Variants in THOC2 observed in about 807,000 individuals in gnomAD.
THOC2 encodes THO complex subunit 2.
THOC2 carries 10 observed loss-of-function variants against 128.4 expected under a neutral mutation model. The ratio of observed to expected loss-of-function variants is 0.08; its 90% confidence interval spans 0.05 to 0.13. THOC2 has a LOEUF of 0.13. Among genes scored for constraint, THOC2 ranks in the 10% least tolerant of loss-of-function variants. The pLI is 1.00. For synonymous variants in THOC2, 393 were observed against 396.9 expected (o/e 0.99, Z 0.12); for missense variants, 535 against 1,155.7 (o/e 0.46, Z 7.79).
At chrX:123,623,594 T>C (rs1376358625) in intron 28 of THOC2, 193 bp downstream of exon 28, 1 of 907,794 alleles carries the variant, frequency 1.1e-6, no homozygotes, top group South Asian at 2.4e-5. Context: ...TTAAAAAAAC[T>C]ATCATCCAGT....
rs1480049531 is a variant in THOC2 at position 123,687,705 on chromosome X, C to T, written c.602-991G>A. 3.6e-5 allele frequency among the ~76,000 whole-genome samples: 4 copies of T among 111,817 alleles called. No individual in the cohort carries two copies. The South Asian group carries it at 1.1e-3, about 31-fold the overall frequency. On this transcript the variant is annotated intron_variant, in intron 7 of 38. Coordinates refer to ENST00000245838, the MANE Select transcript of THOC2 (RefSeq NM_001081550.2). ...ATGCTACAAAACTAATGTCATTTCA[C>T]GTTTCATACTACCTTAGCAATCACT... is the stretch of plus-strand genomic sequence containing the variant.
At chrX:123,611,561 T>G in intron 36 of THOC2, 45 bp from the exon 37 acceptor site, 1 of 907,288 alleles carries the variant, frequency 1.1e-6, no homozygotes, top group Non-Finnish European at 1.6e-6. Context: ...AAGCCAAATA[T>G]AAAAGCCAGC....
chrX:123,725,132 C>A (rs1396581920), intron 1 of THOC2, among the ~76,000 whole-genome samples: 1 of 103,209 alleles, frequency 9.7e-6, no homozygotes, highest in Non-Finnish European at 2.0e-5. Context: ...AAGAAAATGT[C>A]ATTTAGCTAT....
At chrX:123,656,330 TAAAAAAAAAAAAAA>T (rs758091588) in intron 12 of THOC2, among the ~76,000 whole-genome samples, 1 of 37,967 alleles carries the variant, frequency 2.6e-5, no homozygotes, top group Non-Finnish European at 4.9e-5. Context: ...AGACTCCGTC[TAAAAAAAAAAAAAA>T]AAAAAAAAAG....
chrX:123,670,449 T>C (rs1211920088), intron 9 of THOC2, among the ~76,000 whole-genome samples: 1 of 111,774 alleles, frequency 8.9e-6, no homozygotes, highest in Non-Finnish European at 1.9e-5. Context: ...TGAAACCCCA[T>C]CTCCACTAAA....
At chrX:123,602,571 G>A (rs772951523) in intron 38 of THOC2, 13 of 112,131 alleles carry the variant, frequency 1.2e-4, no homozygotes, top group South Asian at 1.1e-3. Context: ...TCCAGGGGCC[G>A]AGGAAGGGAA....
intron 3 of THOC2, among the ~76,000 whole-genome samples, chrX:123,704,146 C>G (rs1324640436): frequency 9.0e-6 from 1 of 111,289 alleles, no homozygotes; most frequent in Non-Finnish European, 1.9e-5. Flanking sequence ...AAAGAAGTTT[C>G]GTTTTAGAAA....
rs1219503099 is a variant in THOC2, at chrX:123,624,047, A to T, written c.3318+13T>A. On this transcript the variant is annotated intron_variant, in intron 27 of 38. Transcript: ENST00000245838. ...GAAAAATTTGCCTTTGAAAAATCCA[A>T]TTTTTTTTTTACCTTGGTTAGTTTG... is the stretch of plus-strand genomic sequence containing the variant. 4.6e-6 allele frequency: 5 copies of T among 1,079,987 alleles called. No homozygotes were observed. The highest frequency in any genetic ancestry group is 2.9e-5 in the Admixed American group (1 of 34,048). The allele number at this position is 1,079,987 out of a possible 1,213,427, so 89.0% of individuals were successfully genotyped here. A position where few individuals can be genotyped will look rare whatever the true frequency, so the allele number is the denominator to read the frequency against.
In THOC2 at chrX:123,668,155, A is replaced by G; in HGVS notation, c.1017+4T>C. On this transcript the variant is annotated splice_donor_region_variant and intron_variant, in intron 10 of 38. Transcript: ENST00000245838. ...TGTTAATTTTACTAGAATGAATTAC[A>G]TACTTTCTCTACTTTCTCCTCTTCT... The G allele has an allele frequency of 8.6e-7, 1 of 1,165,995 alleles. No individual in the cohort carries two copies. Among genetic ancestry groups the G allele is most frequent in the Non-Finnish European group, 1.2e-6 (1 of 868,563 alleles).
In THOC2 at chrX:123,620,955, G is replaced by A. The variant is rs767450881; in HGVS notation, c.4227C>T (p.Arg1409=). 8.3e-7 allele frequency: 1 copy of A among 1,209,831 alleles called. No individual in the cohort carries two copies. Among genetic ancestry groups the A allele is most frequent in the Non-Finnish European group, 1.1e-6 (1 of 894,577 alleles). ...DIPEPEREQK[R]RKIDTHPSPS... ...GAGAAGGGTGAGTATCAATTTTGCG[G>A]CGTTTTTGTTCTGTTAAGACAAAAA... is the stretch of plus-strand genomic sequence containing the variant. The change falls in exon 32 of 39, where the codon CGC becomes CGT. Residue 1409 remains arginine, a synonymous_variant. Transcript: ENST00000245838.
chrX:123,716,728 CA>C (rs777748213), intron 1 of THOC2, among the ~76,000 whole-genome samples: 1,271 of 34,297 alleles, frequency 0.037, 30 homozygotes, highest in African/African-American at 0.12. Flanking sequence ...GACTCTGTCT[CA>C]AAAAAAAAAA....
chrX:123,604,715 A>G (rs1165395519), intron 38 of THOC2, among the ~76,000 whole-genome samples: 1 of 112,016 alleles, frequency 8.9e-6, no homozygotes, highest in East Asian at 2.8e-4. Context: ...TAGTTTATAT[A>G]GATTCTTCAT....
chrX:123,644,987 G>T, intron 13 of THOC2, 78 bp from the exon 14 acceptor site: 1 of 851,705 alleles, frequency 1.2e-6, no homozygotes, highest in Non-Finnish European at 1.7e-6. Flanking sequence ...AACAGCCTTG[G>T]GAAAATTACC....
intron 12 of THOC2, among the ~76,000 whole-genome samples, chrX:123,661,643 A>G: frequency 9.0e-6 from 1 of 111,232 alleles, no homozygotes; most frequent in Non-Finnish European, 1.9e-5. Flanking sequence ...GTCAGAACAG[A>G]GGACTTAGAA....
At position 123,686,795 on chromosome X, in the gene THOC2, C is replaced by CAT. The variant is rs1285210050; in HGVS notation, c.602-83_602-82dup. On this transcript the variant is annotated intron_variant, in intron 7 of 38. Coordinates refer to ENST00000245838, the MANE Select transcript of THOC2 (RefSeq NM_001081550.2). ...AAGCCATTAATTTTCAGGAATAACT[C>CAT]ATATAGCAAGATAAAAATGTTTTTA... 4 of 784,924 alleles carry CAT rather than the reference C, an allele frequency of 5.1e-6. No individual in the cohort carries two copies. In the African/African-American group the frequency reaches 6.3e-5, roughly 12 times the overall value. 64.7% of individuals were successfully genotyped at this position (784,924 alleles called of 1,213,427 possible).
At chrX:123,621,649 G>T in intron 30 of THOC2, 62 bp from the exon 31 acceptor site, 4 of 841,383 alleles carry the variant, frequency 4.8e-6, no homozygotes, top group Non-Finnish European at 6.5e-6. Context: ...TTTGATATAT[G>T]ATAAAATATA....
chrX:123,620,850 TG>T (rs765106696), intron 32 of THOC2, 56 bp downstream of exon 32: 1 of 1,113,870 alleles, frequency 9.0e-7, no homozygotes, highest in Admixed American at 2.3e-5. Context: ...GTCAGGACAC[TG>T]GTATTCCAAA....
intron 22 of THOC2, 83 bp downstream of exon 22, chrX:123,631,605 T>G: frequency 1.9e-6 from 2 of 1,033,695 alleles, no homozygotes; most frequent in Non-Finnish European, 2.7e-6. Context: ...CCCCAAAATC[T>G]GTAGTGATAT....
At chrX:123,625,839 A>G in intron 25 of THOC2, 73 bp downstream of exon 25, 2 of 1,068,373 alleles carry the variant, frequency 1.9e-6, no homozygotes, top group Non-Finnish European at 1.3e-6. Flanking sequence ...TAAACACACA[A>G]TAATACCTCT....
Sources: allele counts gnomAD v4.1 joint callset (sites outside exome capture counted in the v4.1 genomes callset), GRCh38; gene constraint gnomAD v4.1.1; transcripts MANE v1.5; gene names NCBI Gene and HGNC (gene_info 2026-07-23, HGNC 2026-07-21).